CNTN3: variants seen among roughly 807,000 people sequenced by gnomAD.
CNTN3 encodes contactin 3.
A neutral mutation model predicts 119.1 loss-of-function variants in CNTN3; 60 were observed. The ratio of observed to expected loss-of-function variants is 0.50; its 90% CI spans 0.41 to 0.62. The LOEUF is 0.62. Among genes scored for constraint, CNTN3 ranks in the 20% least tolerant of loss-of-function variants. The pLI, the probability that CNTN3 is intolerant of heterozygous loss-of-function variation, is 0.00. For synonymous variants in CNTN3, 450 were observed against 438.7 expected (o/e 1.03, Z -0.32); for missense variants, 1,101 against 1,242.4 (o/e 0.89, Z 1.71).
chr3:74,415,277 T>C (rs147986684), intron 5 of CNTN3, among the ~76,000 whole-genome samples: 1,968 of 152,148 alleles, frequency 0.013, 37 homozygotes, highest in African/African-American at 0.045. Flanking sequence ...ATGTAAGAAA[T>C]GGTCAGGGGC....
intron 4 of CNTN3, among the ~76,000 whole-genome samples, chr3:74,427,703 T>A (rs1254671913): frequency 6.6e-6 from 1 of 152,144 alleles, no homozygotes; most frequent in African/African-American, 2.4e-5. Context: ...TCGAGGGAGT[T>A]AAGCAGGTCA....
intron 19 of CNTN3, among the ~76,000 whole-genome samples, chr3:74,286,857 G>T (rs544417716): frequency 4.1e-4 from 63 of 152,296 alleles, no homozygotes; most frequent in Non-Finnish European, 8.2e-4. Context: ...GAGTGACTAT[G>T]CCTTGGTTTG....
chr3:74,288,159 C>CTTTTTT (rs3084509), intron 19 of CNTN3, among the ~76,000 whole-genome samples: 13 of 90,372 alleles, frequency 1.4e-4, no homozygotes, highest in African/African-American at 1.7e-4. Context: ...CTTTTCTTTT[C>CTTTTTT]TTTTTTTTTT....
chr3:74,594,674 A>G (rs922957554), intron 1 of CNTN3, among the ~76,000 whole-genome samples: 39 of 151,934 alleles, frequency 2.6e-4, no homozygotes, highest in Admixed American at 5.2e-4. Flanking sequence ...TATGTGCCAC[A>G]TTTTCTTAAT....
At chr3:74,516,112 A>G (rs763766503) in intron 2 of CNTN3, among the ~76,000 whole-genome samples, 40 of 152,056 alleles carry the variant, frequency 2.6e-4, no homozygotes, top group Non-Finnish European at 4.6e-4. Flanking sequence ...CAGGCAGTCT[A>G]GAAAAAGCTC....
intron 1 of CNTN3, among the ~76,000 whole-genome samples, chr3:74,608,259 T>C (rs544545290): frequency 3.9e-5 from 6 of 152,262 alleles, no homozygotes; most frequent in Non-Finnish European, 7.4e-5. Context: ...TGAAATAGAC[T>C]ATTCTCGGCT....
intron 4 of CNTN3, among the ~76,000 whole-genome samples, chr3:74,479,133 T>C (rs578003597): frequency 6.6e-6 from 1 of 151,960 alleles, no homozygotes; most frequent in South Asian, 2.1e-4. Flanking sequence ...TGGTTCAAGA[T>C]GCAAGTAATA....
intron 8 of CNTN3, 93 bp downstream of exon 8, chr3:74,369,096 T>C: frequency 1.2e-6 from 1 of 863,580 alleles, no homozygotes; most frequent in East Asian, 3.1e-5. Context: ...ACATTGGGAT[T>C]CTGCTATAAT....
intron 11 of CNTN3, among the ~76,000 whole-genome samples, chr3:74,360,738 T>G (rs1202018312): frequency 6.6e-6 from 1 of 152,142 alleles, no homozygotes; most frequent in African/African-American, 2.4e-5. Context: ...GGTCCCTGTT[T>G]TCTTTACTGC....
chr3:74,374,526 A>C (rs72894362), intron 5 of CNTN3, among the ~76,000 whole-genome samples: 4,953 of 151,920 alleles, frequency 0.033, 282 homozygotes, highest in African/African-American at 0.11. Flanking sequence ...CAATCCCCTC[A>C]TGTCACTCCC....
At chr3:74,291,500 A>G (rs1418081325) in intron 19 of CNTN3, among the ~76,000 whole-genome samples, 1 of 152,132 alleles carries the variant, frequency 6.6e-6, no homozygotes, top group Non-Finnish European at 1.5e-5. Context: ...TGGTTGAACT[A>G]GTTTACAGTC....
At chr3:74,576,158 C>A (rs1271986438) in intron 1 of CNTN3, among the ~76,000 whole-genome samples, 1 of 152,170 alleles carries the variant, frequency 6.6e-6, no homozygotes, top group Non-Finnish European at 1.5e-5. Context: ...TTCCTCTCTT[C>A]CATTTTCCTT....
chr3:74,381,331 A>T (rs1704618833), intron 5 of CNTN3, among the ~76,000 whole-genome samples: 1 of 152,198 alleles, frequency 6.6e-6, no homozygotes, highest in South Asian at 2.1e-4. Context: ...TAGTGGCTAT[A>T]TAAGTACATG....
intron 22 of CNTN3, among the ~76,000 whole-genome samples, chr3:74,265,313 C>A (rs1187006618): frequency 6.6e-6 from 1 of 152,036 alleles, no homozygotes; most frequent in African/African-American, 2.4e-5. Context: ...AACATCTGTC[C>A]CTGCAAAAGC....
At chr3:74,458,458 A>C (rs1211158858) in intron 4 of CNTN3, among the ~76,000 whole-genome samples, 1 of 151,982 alleles carries the variant, frequency 6.6e-6, no homozygotes, top group African/African-American at 2.4e-5. Context: ...TATGAAACAA[A>C]AATTTCAGTG....
At chr3:74,564,137 A>T (rs1199437844) in intron 1 of CNTN3, among the ~76,000 whole-genome samples, 2 of 152,166 alleles carry the variant, frequency 1.3e-5, no homozygotes, top group Non-Finnish European at 2.9e-5. Context: ...TGCTTATGCT[A>T]TGGAGGAGAT....
At chr3:74,411,877 C>A (rs1406256902) in intron 5 of CNTN3, among the ~76,000 whole-genome samples, 1 of 152,094 alleles carries the variant, frequency 6.6e-6, no homozygotes, top group African/African-American at 2.4e-5. Context: ...TGTATAAAAA[C>A]CAAATCAGAA....
intron 11 of CNTN3, among the ~76,000 whole-genome samples, chr3:74,351,317 C>T (rs892630067): frequency 6.6e-6 from 1 of 152,204 alleles, no homozygotes; most frequent in African/African-American, 2.4e-5. Flanking sequence ...TTGGGTTTAT[C>T]TGCCTATCAG....
intron 4 of CNTN3, among the ~76,000 whole-genome samples, chr3:74,453,881 G>T (rs939938634): frequency 1.3e-5 from 2 of 150,958 alleles, no homozygotes; most frequent in African/African-American, 4.8e-5. Context: ...GTCTGAGAGA[G>T]AGTTTAATTT....
Sources: gnomAD v4.1 joint callset for allele counts (sites outside exome capture counted in the v4.1 genomes callset) on GRCh38, gnomAD v4.1.1 for gene constraint, MANE v1.5 for transcripts, NCBI Gene and HGNC (gene_info 2026-07-23, HGNC 2026-07-21) for gene names.